Variants in CA10 observed in about 807,000 individuals in gnomAD.
CA10 encodes carbonic anhydrase 10 (inactive).
In CA10, 14 loss-of-function variants were observed where a neutral mutation model predicts 44.2. The ratio of observed to expected loss-of-function variants is 0.32; its 90% CI spans 0.21 to 0.50. The LOEUF (loss-of-function observed/expected upper bound fraction) is 0.50, where lower values mean the gene tolerates loss of function less well. Ranked by LOEUF, CA10 falls within the 20% of genes least tolerant of loss-of-function variation. The pLI, the probability that CA10 is intolerant of heterozygous loss-of-function variation, is 0.99. For synonymous variants in CA10, 159 were observed against 141.6 expected, an observed-to-expected ratio of 1.12 and a Z score of -0.87; for missense variants, 350 against 409.7, an observed-to-expected ratio of 0.85 and a Z score of 1.26.
intron 1 of CA10, among the ~76,000 whole-genome samples, chr17:52,111,413 A>G (rs1375949949): frequency 6.6e-6 from 1 of 152,206 alleles, no homozygotes; most frequent in Non-Finnish European, 1.5e-5. Context: ...TGACAGGTGC[A>G]CTTTTAAATA....
chr17:51,915,464 G>A (rs1981957135), intron 3 of CA10, among the ~76,000 whole-genome samples: 1 of 152,144 alleles, frequency 6.6e-6, no homozygotes, highest in African/African-American at 2.4e-5. Flanking sequence ...GGGAGTTTGT[G>A]TAACATTCAG....
intron 3 of CA10, among the ~76,000 whole-genome samples, chr17:51,831,296 AATT>A (rs958840864): frequency 3.9e-4 from 59 of 152,228 alleles, no homozygotes; most frequent in African/African-American, 1.3e-3. Context: ...CATCCTTTTA[AATT>A]ATTGTTTTTT....
intron 2 of CA10, among the ~76,000 whole-genome samples, chr17:51,936,018 T>C (rs1982851214): frequency 1.3e-5 from 2 of 152,268 alleles, no homozygotes; most frequent in Non-Finnish European, 2.9e-5. Context: ...TTTGCTGCTG[T>C]GGGCAGGATA....
At chr17:51,997,157 C>T (rs558803584) in intron 2 of CA10, among the ~76,000 whole-genome samples, 34 of 152,146 alleles carry the variant, frequency 2.2e-4, no homozygotes, top group African/African-American at 7.0e-4. Flanking sequence ...GATTGATCCC[C>T]GCTATCATCT....
chr17:52,100,696 T>C (rs1427027253), intron 1 of CA10, among the ~76,000 whole-genome samples: 4 of 152,160 alleles, frequency 2.6e-5, no homozygotes, highest in African/African-American at 4.8e-5. Flanking sequence ...CTTCTCCCCA[T>C]ATCTGGTCTC....
At chr17:52,129,223 T>C (rs918616921) in intron 1 of CA10, among the ~76,000 whole-genome samples, 4 of 152,182 alleles carry the variant, frequency 2.6e-5, no homozygotes, top group African/African-American at 9.7e-5. Context: ...AAACTAGCAT[T>C]TAATTATATA....
intron 4 of CA10, among the ~76,000 whole-genome samples, chr17:51,708,771 C>T (rs576556968): frequency 3.9e-5 from 6 of 152,270 alleles, no homozygotes; most frequent in African/African-American, 1.4e-4. Flanking sequence ...CTGAGTCTTC[C>T]GATCCTCATC....
In CA10 at chr17:51,636,019, G is replaced by A; in HGVS notation, c.635-10C>T. The stretch of plus-strand genomic sequence containing the variant: ...AGTAAATATGCATCATCTAGAGAAG[G>A]AAAGAAGACTTAAAAATTAGGTTTC... On this transcript the variant is annotated splice_polypyrimidine_tract_variant and intron_variant, in intron 6 of 8. Transcript: ENST00000451037. 1.3e-5 allele frequency: 20 copies of A among 1,540,082 alleles called. No individual in the cohort carries two copies. Among genetic ancestry groups the A allele is most frequent in the Non-Finnish European group, 1.8e-5 (20 of 1,138,614 alleles).
intron 4 of CA10, among the ~76,000 whole-genome samples, chr17:51,698,620 G>A (rs977504967): frequency 1.3e-5 from 2 of 151,960 alleles, no homozygotes; most frequent in African/African-American, 2.4e-5. Context: ...TACACAATAC[G>A]GTATTGTTAA....
intron 1 of CA10, among the ~76,000 whole-genome samples, chr17:52,085,677 A>G (rs1429346444): frequency 6.6e-6 from 1 of 152,146 alleles, no homozygotes; most frequent in Non-Finnish European, 1.5e-5. Flanking sequence ...TACTTATAAC[A>G]TATATATTTT....
chr17:52,095,153 T>A (rs1412566798), intron 1 of CA10, among the ~76,000 whole-genome samples: 3 of 152,144 alleles, frequency 2.0e-5, no homozygotes, highest in African/African-American at 7.2e-5. Flanking sequence ...GAATCAACAA[T>A]TCCTACCTTG....
chr17:51,638,918 G>A (rs1468119), intron 6 of CA10, among the ~76,000 whole-genome samples: 9,019 of 152,164 alleles, frequency 0.059, 338 homozygotes, highest in South Asian at 0.13. Context: ...AAGGAGTGGT[G>A]TGTACTTGGG....
At chr17:51,921,738 T>C (rs1302133095) in intron 3 of CA10, among the ~76,000 whole-genome samples, 1 of 152,216 alleles carries the variant, frequency 6.6e-6, no homozygotes, top group Non-Finnish European at 1.5e-5. Flanking sequence ...GCATTTCCCC[T>C]GTGCTATTTA....
chr17:51,880,315 CT>C (rs956766084), intron 3 of CA10, among the ~76,000 whole-genome samples: 4 of 150,798 alleles, frequency 2.7e-5, no homozygotes, highest in Admixed American at 2.0e-4. Flanking sequence ...ATTTTTTTTT[CT>C]TTTTTTTTGA....
At chr17:51,705,241 C>G (rs1225929973) in intron 4 of CA10, among the ~76,000 whole-genome samples, 1 of 152,206 alleles carries the variant, frequency 6.6e-6, no homozygotes, top group Admixed American at 6.5e-5. Flanking sequence ...AACTGCTCAT[C>G]CTTCAGATAG....
chr17:51,985,104 T>C lies in CA10; in HGVS notation c.137-53972A>G, dbSNP rs115249790. 3.6e-3 allele frequency among the ~76,000 whole-genome samples: 546 copies of C among 151,824 alleles called. 5 individuals carry two copies. Among genetic ancestry groups the C allele is most frequent in the South Asian group, 0.022 (106 of 4,814 alleles). ...CTGATATCCTTGATGAACACATATG[T>C]TAAAATCCTTAACAAAATACTAGCT... On this transcript the variant is annotated intron_variant, in intron 2 of 8. Transcript: ENST00000451037.
chr17:51,849,447 C>A (rs1366681934), intron 3 of CA10, among the ~76,000 whole-genome samples: 1 of 151,624 alleles, frequency 6.6e-6, no homozygotes, highest in African/African-American at 2.4e-5. Context: ...CCACCTAGAA[C>A]CCCTTTGAGT....
At chr17:51,849,201 A>G (rs1468855717) in intron 3 of CA10, among the ~76,000 whole-genome samples, 11 of 47,016 alleles carry the variant, frequency 2.3e-4, no homozygotes, top group Admixed American at 4.7e-4. Flanking sequence ...ATATATACAT[A>G]TATGTATATA....
intron 3 of CA10, among the ~76,000 whole-genome samples, chr17:51,920,440 A>AG (rs1982183344): frequency 6.6e-6 from 1 of 152,100 alleles, no homozygotes; most frequent in South Asian, 2.1e-4. Flanking sequence ...TGAAAAAATG[A>AG]GAAAAAATGA....
Sources: gnomAD v4.1 joint callset for allele counts (sites outside exome capture counted in the v4.1 genomes callset) on GRCh38, gnomAD v4.1.1 for gene constraint, MANE v1.5 for transcripts, NCBI Gene and HGNC (gene_info 2026-07-23, HGNC 2026-07-21) for gene names.